KALRN: variants seen among roughly 807,000 people sequenced by gnomAD.
KALRN encodes the protein kalirin RhoGEF kinase.
Under a neutral mutation model 353.7 loss-of-function variants are expected in KALRN, and 70 were observed. That is an observed-to-expected ratio of 0.20 (90% CI 0.16 to 0.24). The LOEUF (loss-of-function observed/expected upper bound fraction) is 0.24, where lower values mean the gene tolerates loss of function less well. KALRN is among the 10% of genes least tolerant of loss of function. KALRN has a pLI of 1.00. For synonymous variants in KALRN, 1,391 were observed against 1,434.8 expected, an observed-to-expected ratio of 0.97 and a Z score of 0.69; for missense variants, 2,791 against 3,756.7, an observed-to-expected ratio of 0.74 and a Z score of 6.72.
chr3:124,329,959 C>A lies in KALRN; in HGVS notation c.1383C>A (p.Thr461=), dbSNP rs1308260286. ...DLELAIHHHQ[T]LYEQVTQAYT... is the part of the protein sequence containing the mutation. ...AGCTGGCAATCCACCACCACCAGAC[C>A]TTGTATGAGCAGGTGACCCAAGCCT... The change falls in exon 8 of 60, where the codon ACC becomes ACA. Residue 461 remains threonine, a synonymous_variant. Transcript: ENST00000682506. The A allele has an allele frequency of 1.9e-6, 3 of 1,613,646 alleles. No individual in the cohort carries two copies. Among genetic ancestry groups the A allele is most frequent in the African/African-American group, 2.7e-5 (2 of 74,816 alleles).
intron 11 of KALRN, among the ~76,000 whole-genome samples, chr3:124,390,346 G>C (rs1388381992): frequency 6.6e-6 from 1 of 152,176 alleles, no homozygotes; most frequent in Non-Finnish European, 1.5e-5. Context: ...CTCTTTATTA[G>C]ACAGCTTAAT....
Position 124,658,477 on chromosome 3 carries a change from G to T in KALRN, c.6083G>T (p.Arg2028Leu). ...GTGTGGTATTGTCAGAATAAGCCGC[G>T]CTCAGAGTACATCGTTGCTGAGTAT... ...IYVWYCQNKP[R>L]SEYIVAEYDA... Residue 2028 changes from arginine (R) to leucine (L), a missense_variant, in exon 42 of 60, where the codon CGC becomes CTC. Coordinates refer to ENST00000682506, the MANE Select transcript of KALRN (RefSeq NM_001388419.1). 4 of 1,614,124 alleles carry T rather than the reference G, an allele frequency of 2.5e-6. No individual in the cohort carries two copies. The highest frequency in any genetic ancestry group is 4.5e-5 in the East Asian group (2 of 44,884).
At chr3:124,094,143 A>C (rs1279657001) in intron 1 of KALRN, 4 of 152,864 alleles carry the variant, frequency 2.6e-5, no homozygotes, top group Non-Finnish European at 5.8e-5. Context: ...AACTTGATCC[A>C]GGCCAGGCAA....
At chr3:124,103,601 G>A (rs2062043147) in intron 1 of KALRN, among the ~76,000 whole-genome samples, 1 of 152,134 alleles carries the variant, frequency 6.6e-6, no homozygotes, top group Non-Finnish European at 1.5e-5. Context: ...GGAGTGATTA[G>A]GGTTAGGTGT....
intron 10 of KALRN, among the ~76,000 whole-genome samples, chr3:124,376,036 G>A (rs1001522361): frequency 1.3e-5 from 2 of 152,178 alleles, no homozygotes; most frequent in African/African-American, 4.8e-5. Flanking sequence ...AGGAAAAGGT[G>A]CTAAAGCATT....
At chr3:124,492,668 G>A in intron 31 of KALRN, 72 bp from the exon 32 acceptor site, 5 of 1,476,492 alleles carry the variant, frequency 3.4e-6, no homozygotes, top group South Asian at 2.4e-5. Flanking sequence ...AAGACTGCAG[G>A]AGGGTTGAGA....
chr3:124,624,149 A>G (rs1376956568), intron 34 of KALRN, among the ~76,000 whole-genome samples: 1 of 152,208 alleles, frequency 6.6e-6, no homozygotes, highest in South Asian at 2.1e-4. Context: ...GTGAATCTGA[A>G]TCATTCCTTT....
chr3:124,136,294 A>G (rs998383107), intron 1 of KALRN, among the ~76,000 whole-genome samples: 5 of 152,098 alleles, frequency 3.3e-5, no homozygotes, highest in African/African-American at 7.2e-5. Flanking sequence ...TTAAAACACA[A>G]GTTGTTTGCC....
intron 37 of KALRN, among the ~76,000 whole-genome samples, chr3:124,648,034 G>C (rs2082975836): frequency 6.6e-6 from 1 of 152,172 alleles, no homozygotes; most frequent in East Asian, 1.9e-4. Context: ...TCCAGGTGGG[G>C]CATAAGTCCT....
chr3:124,475,181 T>C (rs1402402625), intron 26 of KALRN, among the ~76,000 whole-genome samples: 1 of 152,216 alleles, frequency 6.6e-6, no homozygotes, highest in Non-Finnish European at 1.5e-5. Flanking sequence ...TCATGGAGAA[T>C]GGGTGGGGTG....
intron 1 of KALRN, among the ~76,000 whole-genome samples, chr3:124,205,423 C>A (rs559644369): frequency 1.1e-4 from 17 of 152,244 alleles, no homozygotes; most frequent in African/African-American, 3.9e-4. Flanking sequence ...AGTCGTGTGA[C>A]CTTGGGCAAA....
At chr3:124,221,249 G>C (rs185771232) in intron 1 of KALRN, among the ~76,000 whole-genome samples, 32 of 152,222 alleles carry the variant, frequency 2.1e-4, no homozygotes, top group Admixed American at 1.9e-3. Flanking sequence ...ACCATCCCTT[G>C]CCTCTTCTGT....
intron 34 of KALRN, among the ~76,000 whole-genome samples, chr3:124,619,511 G>C (rs2079036683): frequency 1.2e-5 from 1 of 85,490 alleles, no homozygotes; most frequent in Admixed American, 1.5e-4. Context: ...TTTTGAGATA[G>C]AGTTTTACTC....
At chr3:124,338,688 C>A (rs552912986) in intron 9 of KALRN, among the ~76,000 whole-genome samples, 1 of 152,124 alleles carries the variant, frequency 6.6e-6, no homozygotes, top group East Asian at 1.9e-4. Flanking sequence ...TCATGGATAT[C>A]CTTGTTAATT....
rs193225252 is a variant in KALRN at position 124,056,056 on chromosome 3, G to A, written c.73+22243G>A. Among the ~76,000 whole-genome samples the A allele has an allele frequency of 3.2e-3, 495 of 152,322 alleles. 4 individuals are homozygous for A. Among genetic ancestry groups the A allele is most frequent in the Admixed American group, 8.2e-3 (125 of 15,306 alleles). The stretch of plus-strand genomic sequence containing the variant: ...CCTTGTGAATTCCTGGAGAGCCTTT[G>A]TGCAGATTAAGAACAAAGGAGGCAA... On this transcript the variant is annotated intron_variant, in intron 1 of 59. Transcript: ENST00000682506.
At chr3:124,209,054 C>A (rs1474269734) in intron 1 of KALRN, among the ~76,000 whole-genome samples, 1 of 152,046 alleles carries the variant, frequency 6.6e-6, no homozygotes, top group Non-Finnish European at 1.5e-5. Flanking sequence ...TAAACTCCTT[C>A]AACAGTCATG....
chr3:124,039,501 T>A (rs2039745724), intron 1 of KALRN, among the ~76,000 whole-genome samples: 1 of 152,234 alleles, frequency 6.6e-6, no homozygotes, highest in South Asian at 2.1e-4. Flanking sequence ...CATGGCAAAA[T>A]ATAAGCAGCT....
chr3:124,609,493 T>C (rs989012805), intron 34 of KALRN, among the ~76,000 whole-genome samples: 3 of 152,220 alleles, frequency 2.0e-5, no homozygotes, highest in African/African-American at 7.2e-5. Flanking sequence ...TTGCACTAGC[T>C]AGGATCCTTC....
At chr3:124,167,092 CA>C (rs2070985348) in intron 1 of KALRN, among the ~76,000 whole-genome samples, 1 of 152,048 alleles carries the variant, frequency 6.6e-6, no homozygotes, top group Admixed American at 6.6e-5. Context: ...GGGGACTTTC[CA>C]AATAGGTGAC....
Sources: allele counts gnomAD v4.1 joint callset (sites outside exome capture counted in the v4.1 genomes callset), GRCh38; gene constraint gnomAD v4.1.1; transcripts MANE v1.5; gene names NCBI Gene and HGNC (gene_info 2026-07-23, HGNC 2026-07-21).